Variants in MGMT observed in about 807,000 individuals in gnomAD.
The protein encoded by MGMT is O-6-methylguanine-DNA methyltransferase, also known as methylated-DNA--protein-cysteine methyltransferase.
Under a neutral mutation model 15.9 loss-of-function variants are expected in MGMT, and 14 were observed. The ratio of observed to expected loss-of-function variants is 0.88; its 90% confidence interval spans 0.58 to 1.37. The LOEUF is 1.37. Ranked by LOEUF, MGMT falls within the 40% of genes most tolerant of loss-of-function variation. The pLI, the probability that MGMT is intolerant of heterozygous loss-of-function variation, is 0.00. For synonymous variants in MGMT, 130 were observed against 118.2 expected (o/e 1.10, Z -0.65); for missense variants, 282 against 268.1 (o/e 1.05, Z -0.36).
At chr10:129,668,711 T>C (rs1240139408) in intron 2 of MGMT, among the ~76,000 whole-genome samples, 1 of 152,266 alleles carries the variant, frequency 6.6e-6, no homozygotes, top group Non-Finnish European at 1.5e-5. Flanking sequence ...CTGTCTTGGT[T>C]ATTCTTGGTT....
chr10:129,680,473 A>G (rs1289786189), intron 2 of MGMT, among the ~76,000 whole-genome samples: 1 of 141,932 alleles, frequency 7.0e-6, no homozygotes, highest in African/African-American at 2.9e-5. Flanking sequence ...AGGCATGGAA[A>G]GGCAGACTCA....
At position 129,659,977 on chromosome 10, in the gene MGMT, G is replaced by A. The variant is rs1300578409; in HGVS notation, c.126-47918G>A. The stretch of plus-strand genomic sequence containing the variant: ...GGCCGTGTTTTCTCTTTCATCACCC[G>A]TGCAGTGAAGGATTTGCGTGGTCTT... On this transcript the variant is annotated intron_variant, in intron 2 of 4. Transcript: ENST00000651593. This position sits in a 1 kb window ranked among gnomAD's most constrained non-coding sequence, Gnocchi z 4.1. Among the ~76,000 whole-genome samples, 21 of 152,258 alleles carry A rather than the reference G, an allele frequency of 1.4e-4. No individual in the cohort carries two copies. Among genetic ancestry groups the A allele is most frequent in the Admixed American group, 1.3e-3 (20 of 15,300 alleles).
At chr10:129,577,280 A>G (rs1371085390) in intron 2 of MGMT, among the ~76,000 whole-genome samples, 3 of 151,454 alleles carry the variant, frequency 2.0e-5, no homozygotes, top group African/African-American at 7.2e-5. Flanking sequence ...ACCTGACTTC[A>G]AACTATACTA....
At chr10:129,573,920 T>C (rs958435126) in intron 2 of MGMT, among the ~76,000 whole-genome samples, 1 of 152,246 alleles carries the variant, frequency 6.6e-6, no homozygotes, top group African/African-American at 2.4e-5. Flanking sequence ...AATTGAATTT[T>C]TATATCATTA....
intron 4 of MGMT, 25 bp from the exon 5 acceptor site, chr10:129,766,763 C>T: frequency 7.5e-6 from 12 of 1,601,198 alleles, no homozygotes; most frequent in African/African-American, 1.3e-5. Flanking sequence ...CCCTGACTGA[C>T]AGTGGCTGCC....
rs577942040 is a variant in MGMT at position 129,554,258 on chromosome 10, A to G, written c.125+17881A>G. 2.8e-4 allele frequency among the ~76,000 whole-genome samples: 42 copies of G among 152,386 alleles called. 1 individual carries two copies. In the South Asian group the frequency reaches 6.2e-3, roughly 23 times the overall value. Reference sequence around the variant, plus strand: ...GGGGACTTGATGCTCCTTTTAGCAAATACAGAAAGTACAAAGGAAATAAGA... The same window carrying G: ...GGGGACTTGATGCTCCTTTTAGCAAGTACAGAAAGTACAAAGGAAATAAGA... On this transcript the variant is annotated intron_variant, in intron 2 of 4. Transcript: ENST00000651593.
intron 3 of MGMT, among the ~76,000 whole-genome samples, chr10:129,716,647 T>C (rs1031239920): frequency 7.9e-5 from 12 of 152,180 alleles, no homozygotes; most frequent in Admixed American, 7.8e-4. Flanking sequence ...GAATAAAATA[T>C]GCAAGAACCA....
At chr10:129,552,333 C>T (rs1026397712) in intron 2 of MGMT, among the ~76,000 whole-genome samples, 6 of 152,212 alleles carry the variant, frequency 3.9e-5, no homozygotes, top group Admixed American at 1.3e-4. Flanking sequence ...GTCACCATGA[C>T]GCTGCATGCC....
In MGMT at chr10:129,667,839, A is replaced by G. The variant is rs148488855; in HGVS notation, c.126-40056A>G. 1.1e-3 allele frequency among the ~76,000 whole-genome samples: 173 copies of G among 152,340 alleles called. 1 individual carries two copies. Among genetic ancestry groups the G allele is most frequent in the Non-Finnish European group, 1.7e-3 (116 of 68,024 alleles). On this transcript the variant is annotated intron_variant, in intron 2 of 4. Transcript: ENST00000651593. Reference sequence around the variant, plus strand: ...CATTGTGGTTTTAATTTTCATTTCTATAATGACTAATGTGGTTGAATATGT... The same window carrying G: ...CATTGTGGTTTTAATTTTCATTTCTGTAATGACTAATGTGGTTGAATATGT...
intron 2 of MGMT, among the ~76,000 whole-genome samples, chr10:129,560,297 A>G (rs1006958336): frequency 6.6e-6 from 1 of 152,260 alleles, no homozygotes; most frequent in African/African-American, 2.4e-5. Flanking sequence ...TGTATATGAT[A>G]TAGAACACGT....
chr10:129,502,362 G>A (rs1171597925), intron 1 of MGMT, among the ~76,000 whole-genome samples: 1 of 152,102 alleles, frequency 6.6e-6, no homozygotes, highest in East Asian at 1.9e-4. Flanking sequence ...CACCTGGCCC[G>A]GTGCCAGGCA....
chr10:129,720,907 C>G (rs1848362284), intron 3 of MGMT, among the ~76,000 whole-genome samples: 2 of 151,522 alleles, frequency 1.3e-5, no homozygotes, highest in Admixed American at 1.3e-4. Context: ...GGTCTCTCCT[C>G]TTCCCTCTTC....
chr10:129,634,673 A>G (rs1173274051), intron 2 of MGMT, among the ~76,000 whole-genome samples: 1 of 152,016 alleles, frequency 6.6e-6, no homozygotes, highest in Non-Finnish European at 1.5e-5. Context: ...TAATTCTGAA[A>G]GTTCTCTTTG....
chr10:129,577,690 T>C (rs1265176601), intron 2 of MGMT, among the ~76,000 whole-genome samples: 3 of 152,044 alleles, frequency 2.0e-5, no homozygotes, highest in Non-Finnish European at 1.5e-5. Flanking sequence ...ACAAATGGGA[T>C]CTAATTAAAC....
chr10:129,536,177 G>T, intron 1 of MGMT, 64 bp from the exon 2 acceptor site: 1 of 1,548,652 alleles, frequency 6.5e-7, no homozygotes, highest in East Asian at 2.3e-5. Context: ...TACTTCTGTT[G>T]TGTGTTTTAT....
intron 3 of MGMT, among the ~76,000 whole-genome samples, chr10:129,727,213 G>A (rs549325106): frequency 1.3e-5 from 2 of 152,354 alleles, no homozygotes; most frequent in African/African-American, 2.4e-5. Context: ...TATGGAGGAA[G>A]TGATGGTGTG....
intron 3 of MGMT, among the ~76,000 whole-genome samples, chr10:129,754,186 A>G (rs1408205320): frequency 6.6e-6 from 1 of 152,154 alleles, no homozygotes; most frequent in Admixed American, 6.5e-5. Context: ...AAATCTATCA[A>G]CAGCTTTTTG....
rs542386252 is a variant in MGMT, at chr10:129,684,573, G to A, written c.126-23322G>A. Among the ~76,000 whole-genome samples, 7 of 152,288 alleles carry A rather than the reference G, an allele frequency of 4.6e-5. No individual in the cohort carries two copies. The South Asian group carries it at 1.0e-3, about 23-fold the overall frequency. ...CATCTAATAAAGTCTGTGAATACACGTAAGTGATTGTGTATGTGGTAACTA... is the reference window on the plus strand; with the variant it reads ...CATCTAATAAAGTCTGTGAATACACATAAGTGATTGTGTATGTGGTAACTA... On this transcript the variant is annotated intron_variant, in intron 2 of 4. Coordinates refer to ENST00000651593, the MANE Select transcript of MGMT (RefSeq NM_002412.5).
At chr10:129,734,356 CTGTT>C (rs1306053102) in intron 3 of MGMT, among the ~76,000 whole-genome samples, 2 of 142,190 alleles carry the variant, frequency 1.4e-5, no homozygotes, top group African/African-American at 4.9e-5. Flanking sequence ...ATTTGGCTCT[CTGTT>C]TGTCTGTTAT....
Sources: allele counts gnomAD v4.1 joint callset (sites outside exome capture counted in the v4.1 genomes callset), GRCh38; gene constraint gnomAD v4.1.1; non-coding constraint Gnocchi (gnomAD v3.1); transcripts MANE v1.5; gene names NCBI Gene and HGNC (gene_info 2026-07-23, HGNC 2026-07-21).